DPP6: variants seen among roughly 807,000 people sequenced by gnomAD.
The protein encoded by DPP6 is A-type potassium channel modulatory protein DPP6.
DPP6 carries 69 observed loss-of-function variants against 122.6 expected under a neutral mutation model. That is an observed-to-expected ratio of 0.56 (90% CI 0.46 to 0.69). The LOEUF is 0.69. DPP6 is among the 30% of genes least tolerant of loss of function. The probability of loss-of-function intolerance (pLI) is 0.00; values close to 1 mark genes in which losing one functional copy is unlikely to be tolerated. For missense variants in DPP6, 928 were observed against 1,116.9 expected (o/e 0.83, Z 2.41); for synonymous variants, 418 against 433.1 (o/e 0.97, Z 0.43).
intron 20 of DPP6, 54 bp from the exon 21 acceptor site, chr7:154,880,834 C>G: frequency 6.2e-7 from 1 of 1,613,936 alleles, no homozygotes; most frequent in Non-Finnish European, 8.5e-7. Flanking sequence ...TACAGGAAGA[C>G]AAAGTGGCAG....
intron 1 of DPP6, among the ~76,000 whole-genome samples, chr7:153,897,372 A>G (rs906204141): frequency 2.0e-5 from 3 of 152,210 alleles, no homozygotes; most frequent in African/African-American, 7.2e-5. Context: ...CTTCTGCTCT[A>G]TCCTCATAGG....
rs79489747 is a variant in DPP6 at position 154,517,910 on chromosome 7, G to A, written c.458-22622G>A. 9.2e-3 allele frequency among the ~76,000 whole-genome samples: 1,396 copies of A among 152,118 alleles called. 23 individuals are homozygous for A. The highest frequency in any genetic ancestry group is 0.032 in the African/African-American group (1,310 of 41,484). The stretch of plus-strand genomic sequence containing the variant: ...CGTTTACCCTACACCTCCACCATTC[G>A]GAGAGGCAGCTCTAATAAATGAGAT... On this transcript the variant is annotated intron_variant, in intron 3 of 25. Transcript: ENST00000377770.
At chr7:154,500,346 G>C (rs1050300911) in intron 3 of DPP6, among the ~76,000 whole-genome samples, 1 of 152,164 alleles carries the variant, frequency 6.6e-6, no homozygotes. Flanking sequence ...TTTTGTCTAA[G>C]AGAAATACAT....
intron 1 of DPP6, among the ~76,000 whole-genome samples, chr7:154,371,390 AAAAAAAAAAAAAAAGAAAGAAAG>A (rs1812650161): frequency 3.5e-5 from 5 of 144,250 alleles, no homozygotes; most frequent in Admixed American, 1.3e-4. Context: ...AAAAAAAAAA[AAAAAAAAAAAAAAAGAAAGAAAG>A]AAAGAAAGAC....
intron 7 of DPP6, among the ~76,000 whole-genome samples, chr7:154,678,513 T>C (rs1839072077): frequency 6.6e-6 from 1 of 151,818 alleles, no homozygotes; most frequent in Non-Finnish European, 1.5e-5. Context: ...ACGAACCCAC[T>C]GGAAGGAAGA....
Position 154,241,430 on chromosome 7 carries a change from A to G in DPP6, c.243+188367A>G, listed in dbSNP as rs563990163. Among the ~76,000 whole-genome samples the G allele has an allele frequency of 1.3e-4, 20 of 152,108 alleles. No homozygotes were observed. In the South Asian group the frequency reaches 4.2e-3, roughly 32 times the overall value. On this transcript the variant is annotated intron_variant, in intron 1 of 25. Transcript: ENST00000377770. The surrounding 1 kb of genome is among the most constrained non-coding windows in gnomAD (Gnocchi z 9.0). ...GTGACTCACACCTGGCGTGGAGGTGAGCACCTGTAGTCCTGGCTATTTGGG... is the reference window on the plus strand; with the variant it reads ...GTGACTCACACCTGGCGTGGAGGTGGGCACCTGTAGTCCTGGCTATTTGGG...
intron 1 of DPP6, among the ~76,000 whole-genome samples, chr7:154,060,561 C>A (rs1276471716): frequency 7.8e-6 from 1 of 128,658 alleles, no homozygotes; most frequent in Admixed American, 7.8e-5. Flanking sequence ...AATCTTCCGA[C>A]GGCAGGTACC....
Position 154,801,417 on chromosome 7 carries a change from G to C in DPP6, c.1362G>C (p.Gln454His). The C allele has an allele frequency of 6.3e-7, 1 of 1,594,592 alleles. No individual in the cohort carries two copies. The highest frequency in any genetic ancestry group is 8.5e-7 in the Non-Finnish European group (1 of 1,169,768). The change falls in exon 13 of 26, where the codon CAG becomes CAC. Residue 454 changes from glutamine to histidine, a missense_variant. Physicochemically the swap from Gln to His is conservative, Grantham distance 24 (BLOSUM62 0). Coordinates refer to ENST00000377770, the MANE Select transcript of DPP6 (RefSeq NM_130797.4). ...TTTTCTTCATCAGAGCCATCCCCCA[G>C]GGAGGACGAGGGAAATTCTATCACA... ...RKFFFIRAIP[Q>H]GGRGKFYHIT...
chr7:154,748,644 G>T (rs886573384), intron 8 of DPP6, among the ~76,000 whole-genome samples: 3 of 152,210 alleles, frequency 2.0e-5, no homozygotes, highest in African/African-American at 7.2e-5. Flanking sequence ...TGCACAGCCT[G>T]CCTCTGGAGT....
At chr7:154,555,644 C>T (rs890966891) in intron 4 of DPP6, among the ~76,000 whole-genome samples, 3 of 151,144 alleles carry the variant, frequency 2.0e-5, no homozygotes, top group African/African-American at 4.9e-5. Context: ...TAAAAAAATC[C>T]AAATGTCAAA....
At chr7:154,867,859 C>T in intron 17 of DPP6, 136 bp from the exon 18 acceptor site, 1 of 1,212,886 alleles carries the variant, frequency 8.2e-7, no homozygotes, top group Non-Finnish European at 1.1e-6. Context: ...GTTTCTTTTT[C>T]TGTACACTAG....
At chr7:154,030,436 G>A (rs2129054699) in intron 1 of DPP6, among the ~76,000 whole-genome samples, 2 of 152,232 alleles carry the variant, frequency 1.3e-5, no homozygotes, top group South Asian at 4.2e-4. Flanking sequence ...CCGTGATGCT[G>A]ATGATTAGGA....
intron 1 of DPP6, among the ~76,000 whole-genome samples, chr7:154,090,766 T>G (rs1804747723): frequency 6.7e-6 from 1 of 150,190 alleles, no homozygotes. Context: ...TTTAAATTAC[T>G]GTCCTTAAGC....
chr7:154,630,910 C>A (rs935931461), intron 5 of DPP6, among the ~76,000 whole-genome samples: 1 of 151,996 alleles, frequency 6.6e-6, no homozygotes, highest in Non-Finnish European at 1.5e-5. Context: ...ATGTAACAAA[C>A]CTGCACATTC....
chr7:154,020,156 T>G (rs1798628906), intron 1 of DPP6, among the ~76,000 whole-genome samples: 1 of 152,192 alleles, frequency 6.6e-6, no homozygotes, highest in African/African-American at 2.4e-5. Context: ...CTGTCTAAGA[T>G]GTCAAGATGT....
chr7:153,933,625 A>G (rs1446507072), intron 1 of DPP6, among the ~76,000 whole-genome samples: 1 of 151,920 alleles, frequency 6.6e-6, no homozygotes, highest in African/African-American at 2.4e-5. Flanking sequence ...ATTTCTCTCT[A>G]CCACCCCATC....
intron 1 of DPP6, among the ~76,000 whole-genome samples, chr7:154,014,685 G>GA (rs894956032): frequency 8.6e-5 from 13 of 151,110 alleles, no homozygotes; most frequent in East Asian, 3.9e-4. Flanking sequence ...AAAGAAAAAA[G>GA]AAAAAAAAAT....
chr7:154,440,354 A>AGGGAG (rs1407859025), intron 1 of DPP6, among the ~76,000 whole-genome samples: 1 of 152,080 alleles, frequency 6.6e-6, no homozygotes, highest in East Asian at 1.9e-4. Flanking sequence ...CACTACTAGC[A>AGGGAG]AAAGCACCCC....
chr7:154,771,855 A>G (rs529924416), intron 9 of DPP6, among the ~76,000 whole-genome samples: 16 of 152,364 alleles, frequency 1.1e-4, no homozygotes, highest in African/African-American at 3.8e-4. Context: ...GCATAATTAA[A>G]TAGAGAAAAG....
Sources: gnomAD v4.1 joint callset for allele counts (sites outside exome capture counted in the v4.1 genomes callset) on GRCh38, gnomAD v4.1.1 for gene constraint, Gnocchi (gnomAD v3.1) non-coding constraint, MANE v1.5 for transcripts, NCBI Gene and HGNC (gene_info 2026-07-23, HGNC 2026-07-21) for gene names.